The following ENTREP2 variants were observed in gnomAD, a reference collection of about 807,000 sequenced individuals.
ENTREP2 encodes protein ENTREP2.
the ENTREP2 span, chr15:29,151,684 C>A: frequency 4.1e-5 from 58 of 1,429,108 alleles, 2 homozygotes; most frequent in African/African-American, 5.1e-4. Context: ...AGCGTCCACT[C>A]CTACACTGGT....
At chr15:29,617,737 A>G in the ENTREP2 span, among the ~76,000 whole-genome samples, 2 of 152,162 alleles carry the variant, frequency 1.3e-5, no homozygotes, top group Admixed American at 1.3e-4. Flanking sequence ...ATTGGGCAGG[A>G]GGCGCTCTTA....
At chr15:29,571,308 C>T in the ENTREP2 span, among the ~76,000 whole-genome samples, 1 of 152,194 alleles carries the variant, frequency 6.6e-6, no homozygotes, top group African/African-American at 2.4e-5. Flanking sequence ...CGCGGAGGGG[C>T]CCGATAGCGG....
chr15:29,190,516 G>A, the ENTREP2 span, among the ~76,000 whole-genome samples: 13 of 152,078 alleles, frequency 8.5e-5, no homozygotes, highest in Admixed American at 3.9e-4. Flanking sequence ...ATTCCTCCTC[G>A]GCCATGAAGA....
the ENTREP2 span, among the ~76,000 whole-genome samples, chr15:29,308,815 C>T: frequency 2.6e-5 from 4 of 152,188 alleles, no homozygotes; most frequent in East Asian, 1.9e-4. Context: ...CTAATCACCC[C>T]TTTTCTTCCT....
chr15:29,657,330 CCAGTGTTACAGCTCTCAAAGACGG>C, the ENTREP2 span, among the ~76,000 whole-genome samples: 2,445 of 152,002 alleles, frequency 0.016, 46 homozygotes, highest in African/African-American at 0.049. Context: ...AAAGCGCCCA[CCAGTGTTACAGCTCTCAAAGACGG>C]CAGTGTTACA....
At chr15:29,569,907 C>T in the ENTREP2 span, 1 of 152,034 alleles carries the variant, frequency 6.6e-6, no homozygotes, top group Admixed American at 6.6e-5. Flanking sequence ...CGCCCACAAA[C>T]CACGCCGTTC....
the ENTREP2 span, among the ~76,000 whole-genome samples, chr15:29,467,582 C>CCT: frequency 1.8e-4 from 27 of 152,122 alleles, no homozygotes; most frequent in African/African-American, 6.5e-4. Flanking sequence ...GTTGGGCTGT[C>CCT]CTAGTTATAG....
At chr15:29,444,206 G>T in the ENTREP2 span, among the ~76,000 whole-genome samples, 2 of 144,530 alleles carry the variant, frequency 1.4e-5, no homozygotes, top group African/African-American at 5.4e-5. Context: ...AAGAAAGAAA[G>T]AAAGAAAGAA....
chr15:29,230,346 T>C, the ENTREP2 span, among the ~76,000 whole-genome samples: 4 of 152,214 alleles, frequency 2.6e-5, no homozygotes. Context: ...CTACAGCTCT[T>C]AAATAATTAG....
chr15:29,287,580 C>A, the ENTREP2 span, among the ~76,000 whole-genome samples: 1 of 152,142 alleles, frequency 6.6e-6, no homozygotes, highest in Non-Finnish European at 1.5e-5. Context: ...GAGAGATATG[C>A]AGTGCCTCTA....
the ENTREP2 span, among the ~76,000 whole-genome samples, chr15:29,259,959 C>A: frequency 6.6e-6 from 1 of 152,198 alleles, no homozygotes. Flanking sequence ...TTAAAATCTG[C>A]CCTTTCCGTT....
the ENTREP2 span, among the ~76,000 whole-genome samples, chr15:29,272,704 G>A: frequency 6.6e-6 from 1 of 152,122 alleles, no homozygotes; most frequent in Non-Finnish European, 1.5e-5. Flanking sequence ...GCTATAGGAG[G>A]AGTCATGAAC....
At chr15:29,427,873 GC>G in the ENTREP2 span, among the ~76,000 whole-genome samples, 2 of 152,186 alleles carry the variant, frequency 1.3e-5, no homozygotes, top group Non-Finnish European at 2.9e-5. Flanking sequence ...CCAGCAGACT[GC>G]CTGGTGAGAA....
At chr15:29,446,087 C>T in the ENTREP2 span, among the ~76,000 whole-genome samples, 3 of 152,194 alleles carry the variant, frequency 2.0e-5, no homozygotes, top group East Asian at 1.9e-4. Flanking sequence ...AGAGCTAGTT[C>T]GCCCCTTCCA....
chr15:29,621,111 C>A, the ENTREP2 span, among the ~76,000 whole-genome samples: 1 of 151,876 alleles, frequency 6.6e-6, no homozygotes, highest in South Asian at 2.1e-4. Context: ...AGGGGGCGGC[C>A]AGGCGCAGTG....
At chr15:29,613,372 C>T in the ENTREP2 span, 1 of 369,694 alleles carries the variant, frequency 2.7e-6, no homozygotes, top group South Asian at 2.4e-5. Flanking sequence ...TGATTCATTC[C>T]TGGATATGTG....
At chr15:29,620,479 A>G in the ENTREP2 span, among the ~76,000 whole-genome samples, 1 of 151,988 alleles carries the variant, frequency 6.6e-6, no homozygotes, top group African/African-American at 2.4e-5. Context: ...GCAAATCTCA[A>G]GAATGGGTCT....
the ENTREP2 span, among the ~76,000 whole-genome samples, chr15:29,441,286 G>A: frequency 6.6e-6 from 1 of 152,212 alleles, no homozygotes; most frequent in African/African-American, 2.4e-5. Flanking sequence ...GAAGTAGAGT[G>A]GTGGTTGCCA....
the ENTREP2 span, among the ~76,000 whole-genome samples, chr15:29,307,666 G>C: frequency 6.6e-6 from 1 of 152,114 alleles, no homozygotes; most frequent in South Asian, 2.1e-4. Context: ...AGATCACAAG[G>C]GTAGGGTCCT....
Sources: allele counts gnomAD v4.1 joint callset (sites outside exome capture counted in the v4.1 genomes callset), GRCh38; gene constraint gnomAD v4.1.1; transcripts MANE v1.5; gene names NCBI Gene and HGNC (gene_info 2026-07-23, HGNC 2026-07-21).